The following BANP variants were observed in gnomAD, a reference collection of about 807,000 sequenced individuals.
BANP encodes the protein protein BANP.
A neutral mutation model predicts 68.1 loss-of-function variants in BANP; 11 were observed. The ratio of observed to expected loss-of-function variants is 0.16; its 90% CI spans 0.10 to 0.27. BANP has a LOEUF of 0.27. Among genes scored for constraint, BANP ranks in the 10% least tolerant of loss-of-function variants. The pLI is 1.00. For missense variants in BANP, 504 were observed against 722.7 expected (o/e 0.70, Z 3.47); for synonymous variants, 329 against 303.2 (o/e 1.09, Z -0.88).
At chr16:88,019,649 G>GCTGTTCCA (rs2075535886) in intron 7 of BANP, among the ~76,000 whole-genome samples, 2 of 62,172 alleles carry the variant, frequency 3.2e-5, no homozygotes, top group African/African-American at 8.2e-5. Flanking sequence ...GCGTGCGGGG[G>GCTGTTCCA]GCGGGGCGTC....
At position 88,018,877 on chromosome 16, in the gene BANP, A is replaced by G. The variant is rs2075210574; in HGVS notation, c.895+210A>G. 6.6e-6 allele frequency among the ~76,000 whole-genome samples: 1 copy of G among 152,200 alleles called. No homozygotes were observed. On this transcript the variant is annotated intron_variant, in intron 7 of 13. Coordinates refer to ENST00000682872, the MANE Select transcript of BANP (RefSeq NM_001386991.1). This position sits in a 1 kb window ranked among gnomAD's most constrained non-coding sequence, Gnocchi z 7.7. ...TATTACGCACGGCATGCCCGCACCAAAATACCTCATATACCCCATCATATA... is the reference window on the plus strand; with the variant it reads ...TATTACGCACGGCATGCCCGCACCAGAATACCTCATATACCCCATCATATA...
intron 11 of BANP, among the ~76,000 whole-genome samples, chr16:88,060,432 C>T (rs142509137): frequency 6.6e-6 from 1 of 152,220 alleles, no homozygotes. Context: ...ACGTTGGACA[C>T]GCGAGTGATC....
upstream of BANP, chr16:87,949,338 A>G (rs1056501644): frequency 1.3e-4 from 20 of 152,182 alleles, no homozygotes; most frequent in Non-Finnish European, 1.9e-4. Context: ...GAATTCTTAC[A>G]TGGGCAAGTA....
intron 12 of BANP, 103 bp downstream of exon 12, chr16:88,065,435 G>A (rs2088258816): frequency 6.3e-6 from 4 of 639,212 alleles, no homozygotes; most frequent in African/African-American, 5.5e-5. Flanking sequence ...GGCCATCCAG[G>A]GTCATCTCAC....
intron 1 of BANP, among the ~76,000 whole-genome samples, chr16:87,959,171 C>T (rs745392343): frequency 9.2e-5 from 14 of 152,328 alleles, no homozygotes; most frequent in South Asian, 4.1e-4. Context: ...TGGGATGTCT[C>T]GTGCCACTGT....
At chr16:87,973,215 C>T (rs1299161047) in intron 1 of BANP, among the ~76,000 whole-genome samples, 1 of 151,870 alleles carries the variant, frequency 6.6e-6, no homozygotes, top group Non-Finnish European at 1.5e-5. Context: ...GCGCTGGTGC[C>T]TCTGAGGCTT....
chr16:87,987,712 C>CAA (rs66648819), intron 4 of BANP, among the ~76,000 whole-genome samples: 328 of 30,368 alleles, frequency 0.011, 63 homozygotes, highest in African/African-American at 0.035. Flanking sequence ...GACCCTAACT[C>CAA]AAAAAAAAAA....
chr16:87,987,152 C>T (rs1230892374), intron 4 of BANP, among the ~76,000 whole-genome samples: 1 of 152,146 alleles, frequency 6.6e-6, no homozygotes, highest in Non-Finnish European at 1.5e-5. Context: ...GATCTTGGCT[C>T]ACTGCAACCT....
chr16:88,029,865 G>C (rs977405935), intron 8 of BANP, among the ~76,000 whole-genome samples: 2 of 152,230 alleles, frequency 1.3e-5, no homozygotes, highest in African/African-American at 4.8e-5. Flanking sequence ...GAGAGGCTGA[G>C]GCAGCAGAAA....
intron 5 of BANP, 117 bp from the exon 6 acceptor site, chr16:88,005,973 G>A (rs181526586): frequency 1.1e-4 from 132 of 1,202,930 alleles, no homozygotes; most frequent in Admixed American, 1.4e-4. Context: ...GTATGGGAAG[G>A]CTGTGTGATC....
intron 1 of BANP, among the ~76,000 whole-genome samples, chr16:87,968,501 A>AAT (rs1469399789): frequency 4.0e-5 from 6 of 150,804 alleles, no homozygotes; most frequent in Non-Finnish European, 7.4e-5. Flanking sequence ...AAAAAAAATA[A>AAT]GTTTAGTTTA....
At chr16:88,073,935 A>AGG (rs1567953669) in intron 13 of BANP, among the ~76,000 whole-genome samples, 5 of 152,240 alleles carry the variant, frequency 3.3e-5, no homozygotes, top group African/African-American at 1.2e-4. Flanking sequence ...CGTAACAGCC[A>AGG]AGGAAGACGG....
At position 88,048,877 on chromosome 16, in the gene BANP, A is replaced by T. The variant is rs60564448; in HGVS notation, c.1311+10866A>T. Among the ~76,000 whole-genome samples the T allele has an allele frequency of 8.5e-3, 1,294 of 151,494 alleles. 20 individuals are homozygous for T. Among genetic ancestry groups the T allele is most frequent in the African/African-American group, 0.03 (1,230 of 41,484 alleles). ...GAATTGGCGCTCACCACAGATTCTG[A>T]CCTCAAGGTTGAAGGCGCTGAAGTC... On this transcript the variant is annotated intron_variant, in intron 11 of 13. Transcript: ENST00000682872.
At position 87,970,750 on chromosome 16, in the gene BANP, T is replaced by C. The variant is rs1335866069; in HGVS notation, c.-68-4298T>C. 2.0e-5 allele frequency among the ~76,000 whole-genome samples: 3 copies of C among 152,098 alleles called. No individual in the cohort carries two copies. In the South Asian group the frequency reaches 6.2e-4, roughly 32 times the overall value. On this transcript the variant is annotated intron_variant, in intron 1 of 13. Transcript: ENST00000682872. The stretch of plus-strand genomic sequence containing the variant: ...ACAGAACTCTACCGGCCGGGCGCGG[T>C]GGCTCGGCCTGTCATCCCAGCACTT...
At chr16:88,042,158 G>A (rs986971356) in intron 11 of BANP, among the ~76,000 whole-genome samples, 2 of 152,252 alleles carry the variant, frequency 1.3e-5, no homozygotes, top group Admixed American at 6.5e-5. Context: ...CGGAGCCCCC[G>A]GTGCTCAGCC....
At chr16:87,968,167 A>G (rs1267041221) in intron 1 of BANP, among the ~76,000 whole-genome samples, 2 of 151,850 alleles carry the variant, frequency 1.3e-5, no homozygotes, top group Non-Finnish European at 2.9e-5. Flanking sequence ...GTGGCTTTTG[A>G]CTGAAGACTA....
intron 7 of BANP, among the ~76,000 whole-genome samples, chr16:88,025,259 T>C (rs2076763970): frequency 6.6e-6 from 1 of 151,984 alleles, no homozygotes; most frequent in African/African-American, 2.4e-5. Context: ...GTGCAACCTC[T>C]GGCAGCAGCT....
Position 88,003,416 on chromosome 16 carries a change from GA to G in BANP, c.363-877del. The stretch of plus-strand genomic sequence containing the variant: ...TTGGTTTTTGGAGAGTGAAATCCAA[GA>G]ATGGAGTTTTATTGTCAGGTGATAA... On this transcript the variant is annotated intron_variant, in intron 4 of 13. Coordinates refer to ENST00000682872, the MANE Select transcript of BANP (RefSeq NM_001386991.1). The surrounding 1 kb of genome is among the most constrained non-coding windows in gnomAD (Gnocchi z 6.1). The G allele has an allele frequency of 2.2e-6, 1 of 456,050 alleles. No individual in the cohort carries two copies. Among genetic ancestry groups the G allele is most frequent in the Non-Finnish European group, 4.4e-6 (1 of 226,854 alleles). The allele number at this position is 456,050 out of a possible 1,614,324, so 28.3% of individuals were successfully genotyped here. A position where few individuals can be genotyped will look rare whatever the true frequency, so the allele number is the denominator to read the frequency against.
At chr16:88,038,717 G>A (rs752572093) in intron 11 of BANP, among the ~76,000 whole-genome samples, 11 of 152,254 alleles carry the variant, frequency 7.2e-5, no homozygotes, top group South Asian at 4.1e-4. Context: ...GGAGGGTGTT[G>A]CTGTGCAGGA....
Sources: allele counts gnomAD v4.1 joint callset (sites outside exome capture counted in the v4.1 genomes callset), GRCh38; gene constraint gnomAD v4.1.1; non-coding constraint Gnocchi (gnomAD v3.1); transcripts MANE v1.5; gene names NCBI Gene and HGNC (gene_info 2026-07-23, HGNC 2026-07-21).